Variants in RYR3 observed in about 807,000 individuals in gnomAD.
The protein encoded by RYR3 is ryanodine receptor 3.
Under a neutral mutation model 584.3 loss-of-function variants are expected in RYR3, and 207 were observed. The observed-to-expected ratio is 0.35, with a 90% CI of 0.32 to 0.40. The LOEUF (loss-of-function observed/expected upper bound fraction) is 0.40, where lower values mean the gene tolerates loss of function less well. Ranked by LOEUF, RYR3 falls within the 10% of genes least tolerant of loss-of-function variation. RYR3 has a pLI of 1.00. For missense variants in RYR3, 5,616 were observed against 6,089.2 expected, an observed-to-expected ratio of 0.92 and a Z score of 2.59; for synonymous variants, 2,416 against 2,248.5, an observed-to-expected ratio of 1.07 and a Z score of -2.11.
At chr15:33,783,921 CT>C (rs61396859) in intron 65 of RYR3, among the ~76,000 whole-genome samples, 87,050 of 151,958 alleles carry the variant, frequency 0.57, 26,230 homozygotes, top group East Asian at 0.96. Context: ...GTTCAGGGTT[CT>C]TTGGCTTTCA....
At position 33,750,106 on chromosome 15, in the gene RYR3, G is replaced by A. The variant is rs2071134483; in HGVS notation, c.8275+52G>A. The A allele has an allele frequency of 5.0e-6, 8 of 1,607,450 alleles. No individual in the cohort carries two copies. In the South Asian group the frequency reaches 8.9e-5, roughly 18 times the overall value. ...AAGAAGCTGAACCGGGGCAGCTATG[G>A]TCTCCCAGAAGTGCAAAGGAAGAGC... On this transcript the variant is annotated intron_variant, in intron 56 of 103. Transcript: ENST00000634891.
Position 33,670,550 on chromosome 15 carries a change from T to A in RYR3, c.5854T>A (p.Cys1952Ser). ...KEQPTEEEER[C>S]PTTLKELISQ... ...GCAGCCGACGGAGGAGGAGGAGAGA[T>A]GCCCCAGTAAGTGACATTGCCTTTA... Residue 1952 changes from cysteine to serine, a missense_variant, in exon 38 of 104, where the codon TGC becomes AGC. Cys to Ser is a moderately radical substitution (Grantham distance 112). Around this residue, in one of 9 missense-constraint regions of RYR3, gnomAD observed 1,280 missense variants for 1,426.2 expected, o/e 0.90. Transcript: ENST00000634891. The A allele has an allele frequency of 6.3e-7, 1 of 1,574,964 alleles. No individual in the cohort carries two copies. Among genetic ancestry groups the A allele is most frequent in the Non-Finnish European group, 8.6e-7 (1 of 1,166,576 alleles).
At chr15:33,767,384 G>A (rs943996636) in intron 60 of RYR3, among the ~76,000 whole-genome samples, 3 of 152,158 alleles carry the variant, frequency 2.0e-5, no homozygotes, top group South Asian at 4.1e-4. Context: ...TGGCTGCCAC[G>A]TTTCTGGTAA....
intron 38 of RYR3, 140 bp downstream of exon 38, chr15:33,670,696 T>C: frequency 3.5e-6 from 3 of 853,122 alleles, no homozygotes; most frequent in Non-Finnish European, 5.1e-6. Context: ...TAATTGCTGG[T>C]GGTTCAGTTA....
At chr15:33,558,559 C>T (rs752343791) in intron 10 of RYR3, among the ~76,000 whole-genome samples, 3 of 152,036 alleles carry the variant, frequency 2.0e-5, no homozygotes, top group Admixed American at 1.3e-4. Flanking sequence ...AATAAACATA[C>T]GTGTGCATGT....
intron 69 of RYR3, among the ~76,000 whole-genome samples, chr15:33,806,607 C>G (rs1311771913): frequency 6.6e-6 from 1 of 151,974 alleles, no homozygotes; most frequent in African/African-American, 2.4e-5. Flanking sequence ...TGTGACAGAA[C>G]AAATAAAACT....
intron 1 of RYR3, chr15:33,465,922 A>G: frequency 4.8e-6 from 2 of 417,668 alleles, no homozygotes; most frequent in Non-Finnish European, 4.8e-6. Context: ...CCCTCCGTTC[A>G]CTCAAGCAAC....
At chr15:33,384,750 A>G (rs1331057624) in intron 1 of RYR3, among the ~76,000 whole-genome samples, 6 of 151,938 alleles carry the variant, frequency 3.9e-5, no homozygotes, top group African/African-American at 1.2e-4. Context: ...ATTGTTAACT[A>G]TAATCACCAT....
At chr15:33,406,529 C>T (rs2043030858) in intron 1 of RYR3, among the ~76,000 whole-genome samples, 1 of 152,192 alleles carries the variant, frequency 6.6e-6, no homozygotes, top group Admixed American at 6.5e-5. Flanking sequence ...CAAAGATAAC[C>T]TTTCAAGAGC....
intron 4 of RYR3, among the ~76,000 whole-genome samples, chr15:33,533,066 A>G (rs1231988503): frequency 2.0e-5 from 3 of 152,204 alleles, no homozygotes; most frequent in African/African-American, 7.2e-5. Context: ...GCAGTGAGCT[A>G]GGATTGTGCC....
chr15:33,330,303 T>C (rs1256304988), intron 1 of RYR3, among the ~76,000 whole-genome samples: 1 of 152,222 alleles, frequency 6.6e-6, no homozygotes, highest in Admixed American at 6.5e-5. Flanking sequence ...CCAGAACTTA[T>C]ACTAAGTAAA....
chr15:33,559,049 G>A (rs7180908), intron 10 of RYR3, among the ~76,000 whole-genome samples: 16,800 of 152,114 alleles, frequency 0.11, 2,922 homozygotes, highest in African/African-American at 0.37. Flanking sequence ...GTCTGGTACC[G>A]GCCCTGGGGA....
chr15:33,376,075 G>A (rs535700230), intron 1 of RYR3, among the ~76,000 whole-genome samples: 14 of 152,174 alleles, frequency 9.2e-5, no homozygotes, highest in Admixed American at 9.2e-4. Context: ...AAAAACAAAA[G>A]ATATAGAACA....
At chr15:33,801,787 G>C in intron 68 of RYR3, 82 bp from the exon 69 acceptor site, 1 of 726,756 alleles carries the variant, frequency 1.4e-6, no homozygotes, top group Non-Finnish European at 2.4e-6. Context: ...GGTCTATTCC[G>C]TTACTTGGGG....
intron 1 of RYR3, among the ~76,000 whole-genome samples, chr15:33,361,329 G>A (rs558960627): frequency 6.6e-6 from 1 of 152,290 alleles, no homozygotes; most frequent in South Asian, 2.1e-4. Flanking sequence ...CAGCTTAATT[G>A]AAAGGATGGC....
chr15:33,646,558 C>G, intron 29 of RYR3, 32 bp downstream of exon 29: 1 of 1,572,066 alleles, frequency 6.4e-7, no homozygotes, highest in Non-Finnish European at 8.7e-7. Context: ...CTCAGAGGCA[C>G]TCATTGTATC....
At chr15:33,692,688 T>C (rs764080845) in intron 38 of RYR3, among the ~76,000 whole-genome samples, 5 of 151,644 alleles carry the variant, frequency 3.3e-5, no homozygotes, top group Non-Finnish European at 7.4e-5. Context: ...TCTCTGACAC[T>C]TACTTTGAAG....
rs916936765 is a variant in RYR3, at chr15:33,646,361, T to C, written c.3776T>C (p.Ile1259Thr). The C allele has an allele frequency of 3.7e-6, 6 of 1,606,674 alleles. No homozygotes were observed. The African/African-American group carries it at 8.0e-5, about 21-fold the overall frequency. The change falls in exon 29 of 104, where the codon ATT (isoleucine) becomes ACT (threonine). Residue 1259 changes from isoleucine (I) to threonine (T), a missense_variant. By Grantham distance (89) the Ile-to-Thr change is moderately conservative. This residue lies in a region of RYR3 where 753 missense variants were observed against 741.0 expected (regional missense o/e 1.02). Transcript: ENST00000634891. ...TCGTCCTGTTTCCAGGTCATGAGGA[T>C]TGATGGCACCATGGACAGCCCTCCG... ...KDHPHIEVMR[I>T]DGTMDSPPCL... is the part of the protein sequence containing the mutation.
chr15:33,774,412 T>A (rs2073849828), intron 64 of RYR3, among the ~76,000 whole-genome samples: 1 of 152,258 alleles, frequency 6.6e-6, no homozygotes, highest in Non-Finnish European at 1.5e-5. Flanking sequence ...TCCTTCGGTA[T>A]CTGCTTTCTA....
Sources: gnomAD v4.1 joint callset for allele counts (sites outside exome capture counted in the v4.1 genomes callset) on GRCh38, gnomAD v4.1.1 for gene constraint, gnomAD v4.1.1 regional missense constraint, MANE v1.5 for transcripts, NCBI Gene and HGNC (gene_info 2026-07-23, HGNC 2026-07-21) for gene names.